The following FER variants were observed in gnomAD, a reference collection of about 807,000 sequenced individuals.
FER encodes the protein FER tyrosine kinase.
A neutral mutation model predicts 111.0 loss-of-function variants in FER; 63 were observed. The observed-to-expected ratio is 0.57, with a 90% CI of 0.46 to 0.70. FER has a LOEUF of 0.70. FER is among the 30% of genes least tolerant of loss of function. FER has a pLI of 0.00. For missense variants in FER, 914 were observed against 954.0 expected, an observed-to-expected ratio of 0.96 and a Z score of 0.55; for synonymous variants, 327 against 313.9, an observed-to-expected ratio of 1.04 and a Z score of -0.44.
At chr5:108,760,161 T>TG (rs1184474231) in intron 1 of FER, among the ~76,000 whole-genome samples, 1 of 150,982 alleles carries the variant, frequency 6.6e-6, no homozygotes. Context: ...GTCTTCTGTT[T>TG]TTTTTTTTTT....
chr5:108,907,659 T>A (rs1750983962), intron 10 of FER, among the ~76,000 whole-genome samples: 1 of 151,640 alleles, frequency 6.6e-6, no homozygotes, highest in East Asian at 1.9e-4. Context: ...GTAGACAGAG[T>A]CTCTGCACTC....
At position 108,888,157 on chromosome 5, in the gene FER, T is replaced by C. The variant is rs146906662; in HGVS notation, c.1046+4639T>C. Among the ~76,000 whole-genome samples the C allele has an allele frequency of 7.7e-3, 1,170 of 152,012 alleles. 16 individuals are homozygous for C. The highest frequency in any genetic ancestry group is 0.014 in the Middle Eastern group (4 of 294). On this transcript the variant is annotated intron_variant, in intron 9 of 19. Coordinates refer to ENST00000281092, the MANE Select transcript of FER (RefSeq NM_005246.4). ...AAAGCTAAGACTTAATAATCTAGAA[T>C]AGTGTTCTAGTTTTGAAATTCAGGA...
intron 3 of FER, among the ~76,000 whole-genome samples, chr5:108,828,179 T>C (rs76436706): frequency 0.051 from 7,828 of 152,246 alleles, 296 homozygotes; most frequent in Non-Finnish European, 0.075. Flanking sequence ...CTCATTTGTA[T>C]TTTGTACTTA....
At chr5:108,896,951 G>A (rs1038937981) in intron 9 of FER, among the ~76,000 whole-genome samples, 3 of 152,132 alleles carry the variant, frequency 2.0e-5, no homozygotes, top group Non-Finnish European at 4.4e-5. Context: ...ACCACTACCT[G>A]TTTACACGTG....
chr5:109,162,222 A>T (rs997599585), intron 17 of FER, among the ~76,000 whole-genome samples: 5 of 152,126 alleles, frequency 3.3e-5, no homozygotes, highest in African/African-American at 1.2e-4. Flanking sequence ...GAATCTCCAA[A>T]TGAGTAACAT....
chr5:109,084,592 T>TA (rs1377132656), intron 16 of FER, among the ~76,000 whole-genome samples: 2 of 149,544 alleles, frequency 1.3e-5, no homozygotes, highest in Admixed American at 1.3e-4. Context: ...AAAAGTTCTT[T>TA]AAAAAAATAT....
intron 16 of FER, among the ~76,000 whole-genome samples, chr5:109,083,792 CT>C (rs1207986487): frequency 6.6e-6 from 1 of 151,914 alleles, no homozygotes; most frequent in East Asian, 1.9e-4. Flanking sequence ...TTACTGCCTG[CT>C]GTAAAATGGC....
intron 3 of FER, among the ~76,000 whole-genome samples, chr5:108,827,414 G>A (rs34125469): frequency 0.43 from 66,067 of 151,886 alleles, 16,381 homozygotes; most frequent in African/African-American, 0.68. Context: ...GGCACTTTAT[G>A]TTTCTCTTCA....
chr5:109,030,362 A>G (rs1034321230), intron 13 of FER, among the ~76,000 whole-genome samples: 2 of 152,150 alleles, frequency 1.3e-5, no homozygotes, highest in Non-Finnish European at 2.9e-5. Flanking sequence ...GGCTCTTGAT[A>G]TGATGGATGA....
chr5:108,865,871 C>T (rs938786884), intron 5 of FER, among the ~76,000 whole-genome samples: 3 of 152,260 alleles, frequency 2.0e-5, no homozygotes, highest in Middle Eastern at 3.4e-3. Flanking sequence ...AAATGCAAAT[C>T]AAAACCACAA....
rs563039891 is a variant in FER at position 109,074,904 on chromosome 5, A to T, written c.1925-25492A>T. The stretch of plus-strand genomic sequence containing the variant: ...AACATACAACGTGATTAAAGAACAA[A>T]TGATTCTTTGGAAATATAAACAGAA... On this transcript the variant is annotated intron_variant, in intron 16 of 19. Coordinates refer to ENST00000281092, the MANE Select transcript of FER (RefSeq NM_005246.4). Among the ~76,000 whole-genome samples the T allele has an allele frequency of 2.0e-4, 31 of 152,364 alleles. No homozygotes were observed. The South Asian group carries it at 5.8e-3, about 28-fold the overall frequency.
At chr5:108,808,584 CAGTT>C (rs1198485546) in intron 3 of FER, among the ~76,000 whole-genome samples, 1 of 151,824 alleles carries the variant, frequency 6.6e-6, no homozygotes, top group East Asian at 1.9e-4. Context: ...AGTAGTTAGA[CAGTT>C]TACATTCAAT....
chr5:108,874,888 C>T (rs1389639059), intron 8 of FER, among the ~76,000 whole-genome samples: 2 of 152,002 alleles, frequency 1.3e-5, no homozygotes, highest in Non-Finnish European at 2.9e-5. Context: ...GGATAATACC[C>T]AGTGTTGTAT....
At chr5:108,766,645 T>C (rs2149951423) in intron 1 of FER, among the ~76,000 whole-genome samples, 1 of 152,338 alleles carries the variant, frequency 6.6e-6, no homozygotes, top group Non-Finnish European at 1.5e-5. Flanking sequence ...ATGCCTGACA[T>C]ACTGTGTTTG....
At chr5:109,151,344 ATT>A (rs1245013299) in intron 17 of FER, among the ~76,000 whole-genome samples, 1 of 152,116 alleles carries the variant, frequency 6.6e-6, no homozygotes, top group African/African-American at 2.4e-5. Context: ...AGTATATTAA[ATT>A]TTCACTCCAA....
rs973987067 is a variant in FER, at chr5:109,102,053, T to C, written c.2048+1534T>C. Among the ~76,000 whole-genome samples the C allele has an allele frequency of 2.0e-5, 3 of 152,204 alleles. No homozygotes were observed. The East Asian group carries it at 5.8e-4, about 29-fold the overall frequency. ...GAGGACCATTGTTTCAATCTCTTGC[T>C]ACTTTTTGTAGTGATTATTTTCTTA... is the stretch of plus-strand genomic sequence containing the variant. On this transcript the variant is annotated intron_variant, in intron 17 of 19. Coordinates refer to ENST00000281092, the MANE Select transcript of FER (RefSeq NM_005246.4).
chr5:109,173,506 A>G (rs1201705408), intron 17 of FER, among the ~76,000 whole-genome samples: 1 of 152,228 alleles, frequency 6.6e-6, no homozygotes, highest in East Asian at 1.9e-4. Flanking sequence ...TTTATAAGTT[A>G]TGTCTGCATT....
intron 3 of FER, among the ~76,000 whole-genome samples, chr5:108,828,725 A>G (rs1294017648): frequency 6.6e-6 from 1 of 152,350 alleles, no homozygotes; most frequent in East Asian, 1.9e-4. Context: ...AAGGAATACT[A>G]TTAGCAATCA....
intron 13 of FER, among the ~76,000 whole-genome samples, chr5:108,981,976 C>A (rs1311089780): frequency 6.6e-6 from 1 of 152,150 alleles, no homozygotes; most frequent in African/African-American, 2.4e-5. Flanking sequence ...ACCACTGACA[C>A]TGGGAAACAT....
Sources: allele counts gnomAD v4.1 joint callset (sites outside exome capture counted in the v4.1 genomes callset), GRCh38; gene constraint gnomAD v4.1.1; transcripts MANE v1.5; gene names NCBI Gene and HGNC (gene_info 2026-07-23, HGNC 2026-07-21).